The following SHROOM4 variants were observed in gnomAD, a reference collection of about 807,000 sequenced individuals.
SHROOM4 encodes the protein shroom family member 4, also known as protein Shroom4.
In SHROOM4, 17 loss-of-function variants were observed where a neutral mutation model predicts 80.3. The ratio of observed to expected loss-of-function variants is 0.21; its 90% CI spans 0.14 to 0.32. The LOEUF (loss-of-function observed/expected upper bound fraction) is 0.32. Among genes scored for constraint, SHROOM4 ranks in the 10% least tolerant of loss-of-function variants. The probability of loss-of-function intolerance (pLI) is 1.00; values close to 1 mark genes in which losing one functional copy is unlikely to be tolerated. For synonymous variants in SHROOM4, 400 were observed against 437.5 expected, an observed-to-expected ratio of 0.91 and a Z score of 1.07; for missense variants, 993 against 1,140.3, an observed-to-expected ratio of 0.87 and a Z score of 1.86.
At chrX:50,764,370 T>C (rs1255152048) in intron 1 of SHROOM4, among the ~76,000 whole-genome samples, 1 of 108,251 alleles carries the variant, frequency 9.2e-6, no homozygotes, top group Non-Finnish European at 1.9e-5. Flanking sequence ...AACATGAAGC[T>C]GAGAGTGGGG....
chrX:50,799,054 C>T (rs1557272360), intron 1 of SHROOM4, among the ~76,000 whole-genome samples: 1 of 112,178 alleles, frequency 8.9e-6, no homozygotes, highest in East Asian at 2.8e-4. Context: ...GAGGCTCTGT[C>T]CCTTTGATAA....
intron 1 of SHROOM4, among the ~76,000 whole-genome samples, chrX:50,760,119 C>T (rs1935120341): frequency 9.0e-6 from 1 of 110,711 alleles, no homozygotes; most frequent in Admixed American, 9.7e-5. Context: ...TCTTGTTGAT[C>T]TTCTAATCAT....
At chrX:50,609,938 T>C (rs1929879842) in intron 5 of SHROOM4, among the ~76,000 whole-genome samples, 1 of 110,306 alleles carries the variant, frequency 9.1e-6, no homozygotes, top group African/African-American at 3.3e-5. Context: ...AGCCTCAGAG[T>C]ATAAAGAGTT....
At chrX:50,760,659 C>T (rs782722635) in intron 1 of SHROOM4, among the ~76,000 whole-genome samples, 2 of 111,402 alleles carry the variant, frequency 1.8e-5, no homozygotes, top group South Asian at 3.8e-4. Context: ...TGTTTTAATA[C>T]GTATTTTGTG....
At chrX:50,685,117 A>G (rs1933039527) in intron 2 of SHROOM4, among the ~76,000 whole-genome samples, 1 of 112,055 alleles carries the variant, frequency 8.9e-6, no homozygotes, top group Admixed American at 9.5e-5. Flanking sequence ...GAGGGCATCC[A>G]GACAAGAGGT....
chrX:50,718,865 C>G (rs1934034881), intron 1 of SHROOM4, among the ~76,000 whole-genome samples: 1 of 111,587 alleles, frequency 9.0e-6, no homozygotes, highest in African/African-American at 3.3e-5. Context: ...TGGCTACAAT[C>G]TCCTAGCCCA....
At chrX:50,738,969 C>G (rs782407303) in intron 1 of SHROOM4, among the ~76,000 whole-genome samples, 129 of 111,526 alleles carry the variant, frequency 1.2e-3, no homozygotes, top group African/African-American at 3.7e-3. Flanking sequence ...CGTGGTACTG[C>G]TACCAAAACA....
intron 2 of SHROOM4, chrX:50,687,072 T>A: frequency 8.9e-6 from 1 of 111,972 alleles, no homozygotes; most frequent in South Asian, 3.7e-4. Flanking sequence ...TTTTTATTCA[T>A]TCTCACTTGT....
At position 50,593,276 on chromosome X, in the gene SHROOM4, A is replaced by G. The variant is rs1392136379; in HGVS notation, c.*3419T>C. The stretch of plus-strand genomic sequence containing the variant: ...AAATTCCTTTCCAGTACTTTTCAGC[A>G]GAATCTTTAGACTTCCATCACCTGA... On this transcript the variant is annotated 3_prime_UTR_variant, in exon 9 of 9. Coordinates refer to ENST00000376020, the MANE Select transcript of SHROOM4 (RefSeq NM_020717.5). The G allele has an allele frequency of 8.9e-6, 1 of 112,217 alleles. No individual in the cohort carries two copies. The highest frequency in any genetic ancestry group is 1.9e-5 in the Non-Finnish European group (1 of 53,244). 9.2% of individuals were successfully genotyped at this position (112,217 alleles called of 1,213,427 possible). A position where few individuals can be genotyped will look rare whatever the true frequency, so the allele number is the denominator to read the frequency against.
At chrX:50,791,604 T>G (rs895970349) in intron 1 of SHROOM4, among the ~76,000 whole-genome samples, 1 of 97,888 alleles carries the variant, frequency 1.0e-5, no homozygotes, top group Non-Finnish European at 2.0e-5. Context: ...TTTTTTTTTT[T>G]GTAGAAACAA....
At chrX:50,683,550 G>T (rs1932989543) in intron 2 of SHROOM4, among the ~76,000 whole-genome samples, 1 of 111,507 alleles carries the variant, frequency 9.0e-6, no homozygotes, top group Non-Finnish European at 1.9e-5. Flanking sequence ...AGAAGTTTGA[G>T]AAATTTTCAG....
chrX:50,712,676 G>T (rs951892728), intron 1 of SHROOM4, among the ~76,000 whole-genome samples: 9 of 111,904 alleles, frequency 8.0e-5, no homozygotes, highest in African/African-American at 2.9e-4. Flanking sequence ...ACATCCATTT[G>T]AACCCATGGT....
intron 1 of SHROOM4, among the ~76,000 whole-genome samples, chrX:50,715,057 T>A (rs1161528134): frequency 1.8e-5 from 2 of 111,930 alleles, no homozygotes; most frequent in Non-Finnish European, 3.8e-5. Flanking sequence ...TACCCCTTAG[T>A]GTGTCCCTAA....
At chrX:50,733,327 T>C (rs782254309) in intron 1 of SHROOM4, among the ~76,000 whole-genome samples, 5 of 111,888 alleles carry the variant, frequency 4.5e-5, no homozygotes, top group African/African-American at 9.8e-5. Context: ...CCCAGAGCAT[T>C]ACATTTTGGA....
Position 50,635,425 on chromosome X carries a change from G to A in SHROOM4, c.648C>T (p.Cys216=), listed in dbSNP as rs782757676. ...TAGTTGGCCCTGGGCCTTGCATGAT[G>A]CAGTCTGTAGAGGCTGGCTCCTCTG... is the stretch of plus-strand genomic sequence containing the variant. ...LRPEEPASTD[C]IMQGPGPTKA... The change falls in exon 4 of 9, where the codon TGC becomes TGT. Residue 216 remains cysteine, a synonymous_variant. Coordinates refer to ENST00000376020, the MANE Select transcript of SHROOM4 (RefSeq NM_020717.5). 1 of 1,206,932 alleles carries A rather than the reference G, an allele frequency of 8.3e-7. No homozygotes were observed. Among genetic ancestry groups the A allele is most frequent in the Non-Finnish European group, 1.1e-6 (1 of 892,868 alleles).
At chrX:50,774,684 A>AC (rs1308291320) in intron 1 of SHROOM4, among the ~76,000 whole-genome samples, 1 of 109,933 alleles carries the variant, frequency 9.1e-6, no homozygotes, top group African/African-American at 3.3e-5. Flanking sequence ...AAAAAAAAAA[A>AC]AAACAGAAAA....
At chrX:50,665,084 C>T (rs1484918204) in intron 2 of SHROOM4, among the ~76,000 whole-genome samples, 3 of 111,340 alleles carry the variant, frequency 2.7e-5, no homozygotes, top group Non-Finnish European at 5.7e-5. Flanking sequence ...AGGAGGAATG[C>T]AGAATACAAA....
chrX:50,674,872 A>G (rs1281370598), intron 2 of SHROOM4, among the ~76,000 whole-genome samples: 1 of 111,898 alleles, frequency 8.9e-6, no homozygotes, highest in Non-Finnish European at 1.9e-5. Context: ...AGAGAAAAGC[A>G]ATATCTAAAC....
chrX:50,603,564 A>C (rs189021108), intron 6 of SHROOM4, among the ~76,000 whole-genome samples: 2 of 111,188 alleles, frequency 1.8e-5, no homozygotes, highest in African/African-American at 6.5e-5. Flanking sequence ...GCATATTCCC[A>C]ATGGCTCCTG....
Sources: gnomAD v4.1 joint callset for allele counts (sites outside exome capture counted in the v4.1 genomes callset) on GRCh38, gnomAD v4.1.1 for gene constraint, MANE v1.5 for transcripts, NCBI Gene and HGNC (gene_info 2026-07-23, HGNC 2026-07-21) for gene names.